The following ALX4 variants were observed in gnomAD, a reference collection of about 807,000 sequenced individuals.
The protein encoded by ALX4 is ALX homeobox 4.
A neutral mutation model predicts 40.6 loss-of-function variants in ALX4; 22 were observed. The ratio of observed to expected loss-of-function variants is 0.54; its 90% CI spans 0.39 to 0.77. The LOEUF is 0.77. ALX4 is among the 30% of genes least tolerant of loss of function. The pLI, the probability that ALX4 is intolerant of heterozygous loss-of-function variation, is 0.00. For missense variants in ALX4, 556 were observed against 564.8 expected (o/e 0.98, Z 0.16); for synonymous variants, 266 against 240.5 (o/e 1.11, Z -0.98).
chr11:44,280,791 A>G (rs910063249), intron 1 of ALX4, among the ~76,000 whole-genome samples: 12 of 152,230 alleles, frequency 7.9e-5, no homozygotes, highest in Non-Finnish European at 1.3e-4. Context: ...CATTATTGCC[A>G]TAGACTGCTT....
intron 1 of ALX4, among the ~76,000 whole-genome samples, chr11:44,290,855 G>T (rs1046642236): frequency 3.3e-5 from 5 of 152,160 alleles, no homozygotes; most frequent in African/African-American, 1.2e-4. Context: ...CTGAAGTAGA[G>T]TGCAAGACGG....
intron 1 of ALX4, among the ~76,000 whole-genome samples, chr11:44,283,617 T>G (rs918697030): frequency 6.6e-6 from 1 of 152,168 alleles, no homozygotes; most frequent in Non-Finnish European, 1.5e-5. Flanking sequence ...CAGGCTGGAG[T>G]GCAGTGGTTC....
At chr11:44,285,162 G>A (rs1956331516) in intron 1 of ALX4, among the ~76,000 whole-genome samples, 1 of 152,072 alleles carries the variant, frequency 6.6e-6, no homozygotes, top group South Asian at 2.1e-4. Flanking sequence ...ACAGGGTTTC[G>A]CCATGTTGGC....
rs909882828 is a variant in ALX4 at position 44,261,498 on chromosome 11, T to C, written c.*3356A>G. On this transcript the variant is annotated 3_prime_UTR_variant, in exon 4 of 4. Transcript: ENST00000652299. ...GGTAGTGAGCGCTGAGAATCAAGTA[T>C]AGTTAAAAGAATTCAAGGAAAGTTC... 4 of 152,158 alleles carry C rather than the reference T, an allele frequency of 2.6e-5. No homozygotes were observed. The highest frequency in any genetic ancestry group is 5.9e-5 in the Non-Finnish European group (4 of 68,024). The allele number at this position is 152,158 out of a possible 1,614,324, so 9.4% of individuals were successfully genotyped here. A position where few individuals can be genotyped will look rare whatever the true frequency, so the allele number is the denominator to read the frequency against.
chr11:44,265,672 G>C (rs1364448004), intron 3 of ALX4, among the ~76,000 whole-genome samples: 1 of 152,138 alleles, frequency 6.6e-6, no homozygotes, highest in African/African-American at 2.4e-5. Context: ...GGAGGGGTTG[G>C]GTGAGGTGGG....
intron 1 of ALX4, among the ~76,000 whole-genome samples, chr11:44,291,033 A>G (rs1217951636): frequency 6.6e-6 from 1 of 152,184 alleles, no homozygotes; most frequent in Admixed American, 6.5e-5. Flanking sequence ...CCCCAGGTGC[A>G]TCCTCTCCAG....
chr11:44,271,588 T>A (rs994777427), intron 2 of ALX4, among the ~76,000 whole-genome samples: 5 of 152,244 alleles, frequency 3.3e-5, no homozygotes, highest in Non-Finnish European at 7.3e-5. Flanking sequence ...AGCCTAAATT[T>A]TTTTTTACCA....
intron 1 of ALX4, among the ~76,000 whole-genome samples, chr11:44,284,832 G>A (rs535677063): frequency 2.0e-5 from 3 of 151,812 alleles, no homozygotes; most frequent in South Asian, 4.2e-4. Flanking sequence ...CTTTTCTTTC[G>A]CATTACAAAT....
chr11:44,283,787 C>T (rs1177407978), intron 1 of ALX4, among the ~76,000 whole-genome samples: 2 of 152,144 alleles, frequency 1.3e-5, no homozygotes, highest in African/African-American at 4.8e-5. Flanking sequence ...TGGTCTTGAA[C>T]TCCTGGCCTC....
chr11:44,310,000 G>A lies in ALX4; in HGVS notation c.63C>T (p.Tyr21=), dbSNP rs61737298. The change falls in exon 1 of 4, where the codon TAC becomes TAT. Residue 21 remains tyrosine (Y), a synonymous_variant. Coordinates refer to ENST00000652299, the MANE Select transcript of ALX4 (RefSeq NM_021926.4). ...CCTCCCGACTCTGCGACACCGGGCT[G>A]TAGTAGGCGTCCATGGCAGCGGCCG... ...ESPAAAMDAY[Y]SPVSQSREGS... 16,503 of 1,603,334 alleles carry A rather than the reference G, an allele frequency of 0.01. 114 individuals are homozygous for A. Among genetic ancestry groups the A allele is most frequent in the Non-Finnish European group, 0.013 (15,253 of 1,175,142 alleles).
At chr11:44,300,283 G>C in intron 1 of ALX4, among the ~76,000 whole-genome samples, 1 of 152,204 alleles carries the variant, frequency 6.6e-6, no homozygotes, top group East Asian at 1.9e-4. Flanking sequence ...AAGGTTCAGA[G>C]ATGGGGAGGC....
intron 2 of ALX4, among the ~76,000 whole-genome samples, chr11:44,269,355 C>T (rs921433662): frequency 2.0e-5 from 3 of 152,200 alleles, no homozygotes; most frequent in African/African-American, 4.8e-5. Context: ...AGCTCCTGAC[C>T]TTTCTCACTG....
chr11:44,286,107 G>T (rs1403794953), intron 1 of ALX4, among the ~76,000 whole-genome samples: 1 of 152,200 alleles, frequency 6.6e-6, no homozygotes, highest in Non-Finnish European at 1.5e-5. Context: ...CTGGGCTCCA[G>T]ACACAGGAGG....
At chr11:44,308,135 G>A (rs1421711117) in intron 1 of ALX4, among the ~76,000 whole-genome samples, 2 of 152,172 alleles carry the variant, frequency 1.3e-5, no homozygotes, top group Admixed American at 6.5e-5. Flanking sequence ...TGGCTCATTC[G>A]AGGCCACATG....
chr11:44,309,972 A>T lies in ALX4; in HGVS notation c.91T>A (p.Ser31Thr), dbSNP rs990702443. 1.9e-6 allele frequency: 3 copies of T among 1,597,424 alleles called. No individual in the cohort carries two copies. Among genetic ancestry groups the T allele is most frequent in the Non-Finnish European group, 2.6e-6 (3 of 1,172,188 alleles). Residue 31 changes from serine to threonine, a missense_variant, in exon 1 of 4, where the codon TCG becomes ACG. Transcript: ENST00000652299. ...CCGGGAAATGCCCTAAAAGGCGACG[A>T]GCCCTCCCGACTCTGCGACACCGGG... ...YSPVSQSREG[S>T]SPFRAFPGGD...
Position 44,280,659 on chromosome 11 carries a change from T to C in ALX4, c.467-5001A>G, listed in dbSNP as rs1300357985. Among the ~76,000 whole-genome samples the C allele has an allele frequency of 4.6e-5, 7 of 152,326 alleles. No homozygotes were observed. In the East Asian group the frequency reaches 1.4e-3, roughly 29 times the overall value. ...GATCTGGAAGTAAACCCCTGACTAC[T>C]TAGAGCCATCAATCAAGTAGTGAAC... On this transcript the variant is annotated intron_variant, in intron 1 of 3. Coordinates refer to ENST00000652299, the MANE Select transcript of ALX4 (RefSeq NM_021926.4).
At chr11:44,277,628 A>T (rs904097941) in intron 1 of ALX4, among the ~76,000 whole-genome samples, 1 of 152,218 alleles carries the variant, frequency 6.6e-6, no homozygotes, top group Non-Finnish European at 1.5e-5. Flanking sequence ...TTCTGACTCC[A>T]TCCAGATCCT....
chr11:44,294,461 G>A (rs1269012909), intron 1 of ALX4, among the ~76,000 whole-genome samples: 6 of 152,234 alleles, frequency 3.9e-5, no homozygotes, highest in African/African-American at 1.4e-4. Context: ...CAGGGAGAGA[G>A]TTATTCCCCA....
At chr11:44,297,269 C>T (rs1956408194) in intron 1 of ALX4, among the ~76,000 whole-genome samples, 1 of 152,112 alleles carries the variant, frequency 6.6e-6, no homozygotes, top group Non-Finnish European at 1.5e-5. Context: ...TATTTTACCA[C>T]AATAAAAAGT....
Sources: gnomAD v4.1 joint callset for allele counts (sites outside exome capture counted in the v4.1 genomes callset) on GRCh38, gnomAD v4.1.1 for gene constraint, MANE v1.5 for transcripts, NCBI Gene and HGNC (gene_info 2026-07-23, HGNC 2026-07-21) for gene names.